Variants in CCDC171 observed in about 807,000 individuals in gnomAD.
CCDC171 encodes coiled-coil domain containing 171, also known as coiled-coil domain-containing protein 171.
Under a neutral mutation model 168.2 loss-of-function variants are expected in CCDC171, and 177 were observed. The ratio of observed to expected loss-of-function variants is 1.05; its 90% CI spans 0.93 to 1.19. The LOEUF is 1.19. CCDC171 is among the 50% of genes most tolerant of loss of function. The pLI is 0.00. For synonymous variants in CCDC171, 687 were observed against 540.8 expected (o/e 1.27, Z -3.75); for missense variants, 1,991 against 1,539.0 (o/e 1.29, Z -4.91).
chr9:15,994,220 A>G (rs1013481398), intron 3 of CCDC171, among the ~76,000 whole-genome samples: 1 of 152,214 alleles, frequency 6.6e-6, no homozygotes, highest in African/African-American at 2.4e-5. Context: ...GATTAAGAAA[A>G]TGTGGCCCAT....
intron 20 of CCDC171, among the ~76,000 whole-genome samples, chr9:15,782,854 A>G (rs1479329635): frequency 6.6e-6 from 1 of 152,204 alleles, no homozygotes; most frequent in Admixed American, 6.5e-5. Flanking sequence ...AGTGTTCTGT[A>G]TAATCCCAGC....
chr9:15,832,714 A>G (rs536849538), intron 21 of CCDC171, among the ~76,000 whole-genome samples: 4 of 152,204 alleles, frequency 2.6e-5, no homozygotes, highest in Non-Finnish European at 5.9e-5. Flanking sequence ...ACATTACTGT[A>G]TACTGCTGTC....
chr9:16,104,827 A>G, the CCDC171 span, among the ~76,000 whole-genome samples: 3 of 152,028 alleles, frequency 2.0e-5, no homozygotes, highest in Non-Finnish European at 4.4e-5. Flanking sequence ...GACCAAATAT[A>G]GATGTGGGCC....
At chr9:15,716,106 C>T (rs1342128807) in intron 11 of CCDC171, among the ~76,000 whole-genome samples, 4 of 152,270 alleles carry the variant, frequency 2.6e-5, no homozygotes, top group African/African-American at 9.6e-5. Flanking sequence ...TCTCCTTCCC[C>T]CTTGTCCCTG....
intron 10 of CCDC171, among the ~76,000 whole-genome samples, chr9:15,688,496 C>G (rs1472498209): frequency 6.6e-6 from 1 of 151,996 alleles, no homozygotes; most frequent in African/African-American, 2.4e-5. Flanking sequence ...CTGAATCCAG[C>G]AAGATATAAA....
intron 7 of CCDC171, among the ~76,000 whole-genome samples, chr9:15,646,901 C>G (rs1250335591): frequency 6.6e-6 from 1 of 152,182 alleles, no homozygotes; most frequent in Non-Finnish European, 1.5e-5. Flanking sequence ...CCAAGTGGAC[C>G]TAATAGACAT....
the CCDC171 span, among the ~76,000 whole-genome samples, chr9:16,070,286 T>C: frequency 1.3e-5 from 2 of 152,152 alleles, no homozygotes; most frequent in Non-Finnish European, 2.9e-5. Flanking sequence ...CAAGGAGTGT[T>C]ACTGGTCCTG....
chr9:16,100,395 T>C, the CCDC171 span, among the ~76,000 whole-genome samples: 1 of 152,120 alleles, frequency 6.6e-6, no homozygotes, highest in African/African-American at 2.4e-5. Flanking sequence ...CTCTTGCAGA[T>C]AGAGCTCAGG....
intron 25 of CCDC171, among the ~76,000 whole-genome samples, chr9:15,963,882 C>A (rs1486629635): frequency 1.3e-5 from 2 of 152,120 alleles, no homozygotes; most frequent in African/African-American, 2.4e-5. Context: ...CCTCTCTAAG[C>A]TAAATTAGTT....
At chr9:15,989,310 C>A (rs1832107021) in intron 3 of CCDC171, among the ~76,000 whole-genome samples, 1 of 152,184 alleles carries the variant, frequency 6.6e-6, no homozygotes, top group Non-Finnish European at 1.5e-5. Flanking sequence ...GATACCCAGG[C>A]AAACAGGATC....
rs1294638374 is a variant in CCDC171 at position 15,920,255 on chromosome 9, T to C, written c.3601-15T>C. The C allele has an allele frequency of 6.5e-7, 1 of 1,529,452 alleles. No individual in the cohort carries two copies. Among genetic ancestry groups the C allele is most frequent in the African/African-American group, 1.4e-5 (1 of 72,764 alleles). 94.7% of individuals were successfully genotyped at this position (1,529,452 alleles called of 1,614,324 possible). ...TTTATTTGAATTATATGTGACATTA[T>C]TTTTATTTCTTAAGGCTATGATTAA... On this transcript the variant is annotated splice_polypyrimidine_tract_variant and intron_variant, in intron 24 of 25. Coordinates refer to ENST00000380701, the MANE Select transcript of CCDC171 (RefSeq NM_173550.4).
At chr9:15,952,657 A>G (rs985398228) in intron 25 of CCDC171, among the ~76,000 whole-genome samples, 1 of 152,074 alleles carries the variant, frequency 6.6e-6, no homozygotes, top group Non-Finnish European at 1.5e-5. Flanking sequence ...TTGGCCTCTC[A>G]AAGTGCTGGG....
At chr9:16,038,223 G>A (rs1833509018), upstream of CCDC171, among the ~76,000 whole-genome samples, 1 of 152,068 alleles carries the variant, frequency 6.6e-6, no homozygotes, top group Admixed American at 6.5e-5. Flanking sequence ...TTAAAGTTTT[G>A]TTTGGTTTTG....
At chr9:16,029,197 T>C (rs1356781825) in intron 6 of CCDC171, among the ~76,000 whole-genome samples, 3 of 152,212 alleles carry the variant, frequency 2.0e-5, no homozygotes, top group Non-Finnish European at 2.9e-5. Flanking sequence ...GGCAACATCT[T>C]CTGATTTGGG....
intron 7 of CCDC171, among the ~76,000 whole-genome samples, chr9:15,646,778 T>G (rs1400037029): frequency 6.6e-6 from 1 of 152,110 alleles, no homozygotes; most frequent in Non-Finnish European, 1.5e-5. Flanking sequence ...ACAAAAAGAC[T>G]TAGACTCCCA....
chr9:15,867,956 A>C (rs549682033), intron 23 of CCDC171, among the ~76,000 whole-genome samples: 13 of 152,070 alleles, frequency 8.5e-5, no homozygotes, highest in Non-Finnish European at 1.8e-4. Flanking sequence ...TGACTTTATA[A>C]GATGTCCATG....
At chr9:15,748,678 T>A (rs1381033673) in intron 18 of CCDC171, among the ~76,000 whole-genome samples, 1 of 152,254 alleles carries the variant, frequency 6.6e-6, no homozygotes, top group Non-Finnish European at 1.5e-5. Flanking sequence ...TCAACATTCT[T>A]AAAGAAAAGA....
chr9:15,600,871 A>G (rs962754184), intron 6 of CCDC171, among the ~76,000 whole-genome samples: 16 of 152,134 alleles, frequency 1.1e-4, no homozygotes, highest in Admixed American at 1.0e-3. Context: ...GCCACCTTGC[A>G]GTTGGATTTC....
chr9:15,992,243 G>A (rs531244329), intron 3 of CCDC171, among the ~76,000 whole-genome samples: 1 of 152,206 alleles, frequency 6.6e-6, no homozygotes, highest in South Asian at 2.1e-4. Flanking sequence ...TGACCAAGTG[G>A]GCTTCATCCC....
Sources: gnomAD v4.1 joint callset for allele counts (sites outside exome capture counted in the v4.1 genomes callset) on GRCh38, gnomAD v4.1.1 for gene constraint, MANE v1.5 for transcripts, NCBI Gene and HGNC (gene_info 2026-07-23, HGNC 2026-07-21) for gene names.